CNGB1: variants seen among roughly 807,000 people sequenced by gnomAD.
CNGB1 encodes the protein cyclic nucleotide-gated channel beta-1.
A neutral mutation model predicts 151.7 loss-of-function variants in CNGB1; 126 were observed. The ratio of observed to expected loss-of-function variants is 0.83; its 90% CI spans 0.72 to 0.96. The LOEUF (loss-of-function observed/expected upper bound fraction) is 0.96, where lower values mean the gene tolerates loss of function less well. Among genes scored for constraint, CNGB1 ranks in the 40% least tolerant of loss-of-function variants. CNGB1 has a pLI of 0.00. For synonymous variants in CNGB1, 623 were observed against 635.1 expected (o/e 0.98, Z 0.29); for missense variants, 1,698 against 1,627.0 (o/e 1.04, Z -0.75).
In CNGB1 at chr16:57,939,515, A is replaced by G; in HGVS notation, c.1287T>C (p.Ala429=). The G allele has an allele frequency of 6.2e-7, 1 of 1,613,878 alleles. No individual in the cohort carries two copies. Among genetic ancestry groups the G allele is most frequent in the Non-Finnish European group, 8.5e-7 (1 of 1,179,904 alleles). The change falls in exon 16 of 33, where the codon GCT becomes GCC. Residue 429 remains alanine (A), a synonymous_variant. Transcript: ENST00000251102. ...GGGGCTCCTTTTCAGCCTCCTCTTC[A>G]GCCACCTCCTCGGCCTCCTCCTTGG... ...EKAKEEAEEV[A]EEEAEKEPQD...
chr16:57,927,031 G>A (rs1376992429), intron 17 of CNGB1, among the ~76,000 whole-genome samples: 6 of 152,108 alleles, frequency 3.9e-5, no homozygotes. Flanking sequence ...CAAAAGTCAA[G>A]CTGCCCCAGA....
intron 12 of CNGB1, among the ~76,000 whole-genome samples, chr16:57,953,787 T>C (rs1241368790): frequency 6.6e-6 from 1 of 152,016 alleles, no homozygotes; most frequent in Non-Finnish European, 1.5e-5. Flanking sequence ...TCCCAGCCTC[T>C]ACCCCGTCAT....
At chr16:57,954,162 C>T (rs1239030672) in intron 12 of CNGB1, among the ~76,000 whole-genome samples, 1 of 152,236 alleles carries the variant, frequency 6.6e-6, no homozygotes, top group Non-Finnish European at 1.5e-5. Flanking sequence ...ATTAAGGATG[C>T]TGGGCTCCAG....
rs541079302 is a variant in CNGB1, at chr16:57,949,136, G to T, written c.1121+217C>A. ...GGAGGCTGCATTCTAGTGTGTGTGG[G>T]GGGGGATGTGGAGTGGTGGGTAATA... On this transcript the variant is annotated intron_variant, in intron 14 of 32. Coordinates refer to ENST00000251102, the MANE Select transcript of CNGB1 (RefSeq NM_001297.5). Among the ~76,000 whole-genome samples, 12 of 152,136 alleles carry T rather than the reference G, an allele frequency of 7.9e-5. 1 individual carries two copies. In the East Asian group the frequency reaches 9.7e-4, roughly 12 times the overall value.
chr16:57,959,003 A>T (rs1205931532), intron 10 of CNGB1, among the ~76,000 whole-genome samples: 1 of 145,192 alleles, frequency 6.9e-6, no homozygotes, highest in African/African-American at 2.6e-5. Context: ...TCCTGCTGCC[A>T]TGGCTTCCCA....
At chr16:57,910,191 TAAC>T (rs1439761111) in intron 25 of CNGB1, among the ~76,000 whole-genome samples, 1 of 152,156 alleles carries the variant, frequency 6.6e-6, no homozygotes, top group African/African-American at 2.4e-5. Context: ...CCTCCAGCGT[TAAC>T]ATCAACACAG....
At chr16:57,933,229 G>A (rs954417594) in intron 16 of CNGB1, among the ~76,000 whole-genome samples, 1 of 152,148 alleles carries the variant, frequency 6.6e-6, no homozygotes, top group African/African-American at 2.4e-5. Flanking sequence ...GGCCCGGCTG[G>A]CCTCACATTC....
At chr16:57,912,275 C>T (rs1195478251) in intron 24 of CNGB1, among the ~76,000 whole-genome samples, 6 of 152,168 alleles carry the variant, frequency 3.9e-5, no homozygotes, top group Non-Finnish European at 5.9e-5. Context: ...AAACAGCCAC[C>T]GCCACCTTAC....
At chr16:57,885,646 T>G (rs1959910080) in intron 32 of CNGB1, among the ~76,000 whole-genome samples, 1 of 150,056 alleles carries the variant, frequency 6.7e-6, no homozygotes, top group Non-Finnish European at 1.5e-5. Context: ...CGGGATGGAG[T>G]GCAGTGGTGT....
At chr16:57,890,381 T>C (rs1282520819) in intron 31 of CNGB1, among the ~76,000 whole-genome samples, 1 of 152,234 alleles carries the variant, frequency 6.6e-6, no homozygotes, top group Non-Finnish European at 1.5e-5. Context: ...CCCATGTTAT[T>C]TGAGTCCATA....
chr16:57,938,321 G>A (rs2149375397), intron 16 of CNGB1, among the ~76,000 whole-genome samples: 1 of 152,298 alleles, frequency 6.6e-6, no homozygotes, highest in African/African-American at 2.4e-5. Flanking sequence ...AGTTAACAGA[G>A]AACACTTTTC....
intron 25 of CNGB1, among the ~76,000 whole-genome samples, chr16:57,911,119 A>G (rs434962): frequency 0.46 from 70,558 of 151,844 alleles, 17,860 homozygotes; most frequent in African/African-American, 0.67. Flanking sequence ...CCTCTTGGCC[A>G]TGCCCGGGGA....
chr16:57,956,611 G>A (rs780457829), intron 12 of CNGB1, among the ~76,000 whole-genome samples: 2 of 152,152 alleles, frequency 1.3e-5, no homozygotes, highest in Non-Finnish European at 2.9e-5. Flanking sequence ...GTGGTTGAAG[G>A]GCTTGTGTTC....
chr16:57,911,520 A>G (rs1333684629), intron 25 of CNGB1, among the ~76,000 whole-genome samples: 2 of 152,124 alleles, frequency 1.3e-5, no homozygotes, highest in Non-Finnish European at 2.9e-5. Flanking sequence ...AACTCCTGAT[A>G]TCAGGTGATC....
At chr16:57,937,064 G>C (rs1961530951) in intron 16 of CNGB1, 1 of 152,436 alleles carries the variant, frequency 6.6e-6, no homozygotes, top group African/African-American at 2.4e-5. Context: ...ACAGATATGA[G>C]AATGCTGGGT....
chr16:57,955,105 C>T (rs1962051931), intron 12 of CNGB1: 4 of 1,405,946 alleles, frequency 2.8e-6, no homozygotes, highest in Admixed American at 5.6e-5. Context: ...CTAAATCTTG[C>T]AGGCTGCCCA....
chr16:57,895,969 A>G (rs1413973655), intron 31 of CNGB1, among the ~76,000 whole-genome samples: 1 of 152,230 alleles, frequency 6.6e-6, no homozygotes, highest in African/African-American at 2.4e-5. Flanking sequence ...ACATTGAGAA[A>G]TGAATAAACA....
At chr16:57,915,356 C>G in intron 22 of CNGB1, 21 bp from the exon 23 acceptor site, 1 of 1,581,206 alleles carries the variant, frequency 6.3e-7, no homozygotes, top group Non-Finnish European at 8.7e-7. Context: ...AGTGGGACAC[C>G]ATGGGGGTAA....
intron 2 of CNGB1, among the ~76,000 whole-genome samples, chr16:57,965,337 A>G (rs1298867870): frequency 6.6e-6 from 1 of 152,232 alleles, no homozygotes; most frequent in Non-Finnish European, 1.5e-5. Flanking sequence ...CCCAACACAT[A>G]TATGTGCATA....
Sources: gnomAD v4.1 joint callset for allele counts (sites outside exome capture counted in the v4.1 genomes callset) on GRCh38, gnomAD v4.1.1 for gene constraint, MANE v1.5 for transcripts, NCBI Gene and HGNC (gene_info 2026-07-23, HGNC 2026-07-21) for gene names.